DYM: variants seen among roughly 807,000 people sequenced by gnomAD.
DYM encodes the protein dyggve-Melchior-Clausen syndrome protein.
DYM carries 78 observed loss-of-function variants against 93.1 expected under a neutral mutation model. That is an observed-to-expected ratio of 0.84 (90% confidence interval 0.70 to 1.01). The LOEUF (loss-of-function observed/expected upper bound fraction) is 1.01. Ranked by LOEUF, DYM falls within the 50% of genes least tolerant of loss-of-function variation. The pLI is 0.00. For synonymous variants in DYM, 321 were observed against 319.7 expected (o/e 1.00, Z -0.04); for missense variants, 789 against 845.0 (o/e 0.93, Z 0.82).
At chr18:49,048,651 T>G (rs1254727620) in intron 17 of DYM, among the ~76,000 whole-genome samples, 1 of 148,588 alleles carries the variant, frequency 6.7e-6, no homozygotes, top group Non-Finnish European at 1.5e-5. Context: ...TTACAGAAAC[T>G]TAGGCAAGGC....
intron 17 of DYM, among the ~76,000 whole-genome samples, chr18:49,071,924 T>G (rs1276208844): frequency 2.0e-5 from 3 of 152,304 alleles, no homozygotes; most frequent in Non-Finnish European, 1.5e-5. Context: ...TAGCAACCAC[T>G]TCCACAGCCA....
intron 14 of DYM, among the ~76,000 whole-genome samples, chr18:49,202,106 C>G (rs1193890385): frequency 1.3e-5 from 2 of 152,212 alleles, no homozygotes; most frequent in African/African-American, 4.8e-5. Flanking sequence ...AACTTTCTTT[C>G]CAGCTCACCA....
chr18:49,324,414 A>G (rs1217742985), intron 8 of DYM, among the ~76,000 whole-genome samples: 1 of 152,226 alleles, frequency 6.6e-6, no homozygotes, highest in Non-Finnish European at 1.5e-5. Context: ...AAATTAGTCA[A>G]TAAGAAATGG....
intron 13 of DYM, among the ~76,000 whole-genome samples, chr18:49,221,659 A>G (rs1482029028): frequency 3.9e-5 from 6 of 152,194 alleles, no homozygotes; most frequent in Admixed American, 3.9e-4. Flanking sequence ...CACAAGGACA[A>G]AAAACCAAAC....
At chr18:49,110,354 A>C (rs1185780155) in intron 16 of DYM, among the ~76,000 whole-genome samples, 1 of 152,204 alleles carries the variant, frequency 6.6e-6, no homozygotes, top group Admixed American at 6.5e-5. Context: ...TTTCTATCAG[A>C]TATGATAGTT....
At chr18:49,060,630 G>GGGGAGAGAGGGGGAGAGGGGGAGA (rs2075873202) in intron 17 of DYM, among the ~76,000 whole-genome samples, 1 of 123,504 alleles carries the variant, frequency 8.1e-6, no homozygotes, top group Non-Finnish European at 1.8e-5. Context: ...AGAAGGGAGG[G>GGGGAGAGAGGGGGAGAGGGGGAGA]GGGAGAGAGG....
At chr18:49,446,929 G>C (rs1334796579) in intron 1 of DYM, among the ~76,000 whole-genome samples, 3 of 151,898 alleles carry the variant, frequency 2.0e-5, no homozygotes, top group African/African-American at 7.3e-5. Context: ...TGTGGTGGCA[G>C]GCGCCTGTAA....
At chr18:49,228,443 C>T (rs1177457310) in intron 13 of DYM, among the ~76,000 whole-genome samples, 1 of 152,102 alleles carries the variant, frequency 6.6e-6, no homozygotes, top group African/African-American at 2.4e-5. Context: ...GAAAACCCCA[C>T]AATTTGGACA....
rs150093622 is a variant in DYM at position 49,346,241 on chromosome 18, T to G, written c.495-12388A>C. ...AAAAATAAACCCAATGCATATCAAC[T>G]GGTGAATAAGCAAAATGTGGTATAT... On this transcript the variant is annotated intron_variant, in intron 6 of 17. Coordinates refer to ENST00000675505, the MANE Select transcript of DYM (RefSeq NM_001353214.3). Among the ~76,000 whole-genome samples the G allele has an allele frequency of 2.1e-3, 322 of 152,222 alleles. 1 individual carries two copies. The highest frequency in any genetic ancestry group is 7.4e-3 in the African/African-American group (306 of 41,540).
intron 14 of DYM, among the ~76,000 whole-genome samples, chr18:49,175,728 T>A (rs1421153464): frequency 6.6e-6 from 1 of 152,164 alleles, no homozygotes; most frequent in Non-Finnish European, 1.5e-5. Context: ...GATGTGTCCA[T>A]CAGTACACTA....
At chr18:49,293,482 G>A (rs1216026707) in intron 8 of DYM, among the ~76,000 whole-genome samples, 1 of 152,138 alleles carries the variant, frequency 6.6e-6, no homozygotes, top group Non-Finnish European at 1.5e-5. Context: ...ATCCTCTCCA[G>A]CATCTGTTGT....
intron 1 of DYM, among the ~76,000 whole-genome samples, chr18:49,437,803 T>G (rs1362580028): frequency 6.6e-6 from 1 of 152,252 alleles, no homozygotes; most frequent in Non-Finnish European, 1.5e-5. Flanking sequence ...TTTGCATCTC[T>G]CTTGCCGTGA....
At chr18:49,049,246 T>A (rs1346775787) in intron 17 of DYM, among the ~76,000 whole-genome samples, 2 of 152,218 alleles carry the variant, frequency 1.3e-5, no homozygotes, top group Non-Finnish European at 2.9e-5. Context: ...AGTTACTCAT[T>A]TCATCTTTGA....
At chr18:49,360,579 G>A (rs1271753987) in intron 6 of DYM, among the ~76,000 whole-genome samples, 1 of 151,546 alleles carries the variant, frequency 6.6e-6, no homozygotes, top group African/African-American at 2.4e-5. Flanking sequence ...CTGAGATCAC[G>A]CCACTGCACT....
chr18:49,107,437 C>T (rs548935282), intron 16 of DYM, among the ~76,000 whole-genome samples: 10 of 152,278 alleles, frequency 6.6e-5, no homozygotes, highest in African/African-American at 1.4e-4. Flanking sequence ...AGCTTTGTTC[C>T]GTTGCTGGTG....
chr18:49,441,287 T>C (rs2081558119), intron 1 of DYM, among the ~76,000 whole-genome samples: 1 of 43,938 alleles, frequency 2.3e-5, no homozygotes. Context: ...TATATAATTA[T>C]ATATAATATA....
chr18:49,126,305 C>T (rs1242456018), intron 15 of DYM: 1 of 152,098 alleles, frequency 6.6e-6, no homozygotes, highest in African/African-American at 2.4e-5. Flanking sequence ...AAATTATGTA[C>T]CCTGAGATTC....
intron 1 of DYM, among the ~76,000 whole-genome samples, 149 bp downstream of exon 1, chr18:49,460,224 AGCCCCTCCGGGTGGCCCAGGCGCCC>A (rs1320687689): frequency 2.0e-5 from 3 of 152,092 alleles, no homozygotes; most frequent in African/African-American, 4.8e-5. Flanking sequence ...CTGTCAGCAC[AGCCCCTCCGGGTGGCCCAGGCGCCC>A]GCGGGCAGGG....
intron 14 of DYM, among the ~76,000 whole-genome samples, chr18:49,207,199 G>A (rs187976872): frequency 2.0e-5 from 3 of 152,234 alleles, no homozygotes; most frequent in East Asian, 1.9e-4. Context: ...CACACATGAC[G>A]AATGCTAAAA....
Sources: gnomAD v4.1 joint callset for allele counts (sites outside exome capture counted in the v4.1 genomes callset) on GRCh38, gnomAD v4.1.1 for gene constraint, MANE v1.5 for transcripts, NCBI Gene and HGNC (gene_info 2026-07-23, HGNC 2026-07-21) for gene names.